Variants in COL22A1 observed in about 807,000 individuals in gnomAD.
The protein encoded by COL22A1 is collagen alpha-1(XXII) chain.
A neutral mutation model predicts 248.9 loss-of-function variants in COL22A1; 221 were observed. The observed-to-expected ratio is 0.89, with a 90% CI of 0.80 to 0.99. COL22A1 has a LOEUF of 0.99. COL22A1 is among the 50% of genes least tolerant of loss of function. The probability of loss-of-function intolerance (pLI) is 0.00; values close to 1 mark genes in which losing one functional copy is unlikely to be tolerated. For missense variants in COL22A1, 2,240 were observed against 2,179.0 expected (o/e 1.03, Z -0.56); for synonymous variants, 891 against 793.4 (o/e 1.12, Z -2.07).
intron 3 of COL22A1, among the ~76,000 whole-genome samples, chr8:138,858,743 C>A (rs139935731): frequency 0.01 from 1,533 of 152,212 alleles, 29 homozygotes; most frequent in African/African-American, 0.035. Context: ...GCAGGAAAAA[C>A]CAAACAAAAA....
chr8:138,599,082 T>G (rs1817781170), intron 60 of COL22A1, among the ~76,000 whole-genome samples, 184 bp from the exon 61 acceptor site: 1 of 152,194 alleles, frequency 6.6e-6, no homozygotes, highest in South Asian at 2.1e-4. Context: ...CTGTCCTGAT[T>G]GTACAAATGA....
At chr8:138,757,853 T>A (rs1185526740) in intron 18 of COL22A1, among the ~76,000 whole-genome samples, 1 of 152,212 alleles carries the variant, frequency 6.6e-6, no homozygotes, top group Non-Finnish European at 1.5e-5. Context: ...TTTGTAAAGA[T>A]CAGTTGTGGC....
At chr8:138,656,363 C>T (rs1823265053) in intron 44 of COL22A1, among the ~76,000 whole-genome samples, 1 of 152,216 alleles carries the variant, frequency 6.6e-6, no homozygotes. Flanking sequence ...CAGTCATCCA[C>T]AACCTAGTAT....
chr8:138,857,514 C>T (rs1485573818), intron 3 of COL22A1, among the ~76,000 whole-genome samples: 12 of 152,166 alleles, frequency 7.9e-5, no homozygotes, highest in African/African-American at 2.4e-4. Flanking sequence ...CGGAGGGAAT[C>T]GGCTGACCCT....
At chr8:138,776,459 G>A (rs138410827) in intron 15 of COL22A1, among the ~76,000 whole-genome samples, 5 of 152,208 alleles carry the variant, frequency 3.3e-5, no homozygotes, top group South Asian at 4.2e-4. Context: ...CTCCTCCCTC[G>A]GGGATAGGGT....
chr8:138,814,253 G>A (rs9324497), intron 7 of COL22A1, among the ~76,000 whole-genome samples: 73,159 of 152,168 alleles, frequency 0.48, 17,973 homozygotes, highest in Middle Eastern at 0.61. Flanking sequence ...CTTGAGCAAC[G>A]AGCAATCTCC....
chr8:138,836,161 C>G (rs1563826959), intron 4 of COL22A1, among the ~76,000 whole-genome samples: 1 of 152,138 alleles, frequency 6.6e-6, no homozygotes, highest in Non-Finnish European at 1.5e-5. Flanking sequence ...ATCTCAGCTA[C>G]TTGGGAGGCT....
intron 58 of COL22A1, among the ~76,000 whole-genome samples, chr8:138,605,724 C>A (rs1010598977): frequency 6.6e-6 from 1 of 152,126 alleles, no homozygotes. Context: ...CAGATGACAC[C>A]AGAGGGCTCC....
intron 18 of COL22A1, 113 bp from the exon 19 acceptor site, chr8:138,755,942 C>T: frequency 2.4e-6 from 2 of 820,150 alleles, no homozygotes; most frequent in Non-Finnish European, 4.1e-6. Context: ...CCTCCCTGTG[C>T]ACCACCACAC....
chr8:138,603,064 T>G (rs1009915217), intron 59 of COL22A1, among the ~76,000 whole-genome samples: 1 of 152,200 alleles, frequency 6.6e-6, no homozygotes, highest in African/African-American at 2.4e-5. Flanking sequence ...CTACATTGAT[T>G]AAAGAGAAGA....
At chr8:138,641,132 G>A (rs536927621) in intron 47 of COL22A1, among the ~76,000 whole-genome samples, 8 of 152,344 alleles carry the variant, frequency 5.3e-5, no homozygotes, top group Non-Finnish European at 1.2e-4. Flanking sequence ...TTTCAGAACC[G>A]TGGCAGTTAC....
chr8:138,620,401 T>C (rs1240673055), intron 52 of COL22A1: 1 of 148,864 alleles, frequency 6.7e-6, no homozygotes, highest in African/African-American at 2.5e-5. Flanking sequence ...GGAACATCCT[T>C]GGATTTAGAA....
intron 3 of COL22A1, among the ~76,000 whole-genome samples, chr8:138,860,011 T>C (rs543465884): frequency 6.6e-6 from 1 of 152,332 alleles, no homozygotes; most frequent in Non-Finnish European, 1.5e-5. Context: ...CATTACTATG[T>C]GCTGGGCTGT....
chr8:138,802,818 T>TC, intron 11 of COL22A1, 54 bp downstream of exon 11: 1 of 1,406,628 alleles, frequency 7.1e-7, no homozygotes, highest in Non-Finnish European at 1.0e-6. Context: ...GGGCCCTGGG[T>TC]CCCCCACGCC....
chr8:138,868,348 T>A (rs1823058801), intron 3 of COL22A1, among the ~76,000 whole-genome samples: 1 of 152,074 alleles, frequency 6.6e-6, no homozygotes, highest in South Asian at 2.1e-4. Context: ...GGAGAGAATC[T>A]TAGATACTAT....
chr8:138,660,172 T>C (rs1823686976), intron 44 of COL22A1, among the ~76,000 whole-genome samples: 1 of 152,228 alleles, frequency 6.6e-6, no homozygotes, highest in African/African-American at 2.4e-5. Flanking sequence ...GACAGCGGTG[T>C]TGACCCATGA....
chr8:138,834,144 G>C (rs928361670), intron 4 of COL22A1, among the ~76,000 whole-genome samples: 1 of 152,078 alleles, frequency 6.6e-6, no homozygotes, highest in Non-Finnish European at 1.5e-5. Context: ...CTCAACACCC[G>C]CCTGAAACTG....
chr8:138,798,431 ATTT>A (rs1393472222), intron 11 of COL22A1, among the ~76,000 whole-genome samples: 1 of 151,788 alleles, frequency 6.6e-6, no homozygotes, highest in East Asian at 1.9e-4. Context: ...TTAACTGTAT[ATTT>A]TGGAGTTATT....
intron 16 of COL22A1, among the ~76,000 whole-genome samples, chr8:138,772,321 C>G (rs1255273161): frequency 6.6e-6 from 1 of 152,146 alleles, no homozygotes; most frequent in East Asian, 1.9e-4. Context: ...ATCCAAGAGT[C>G]TACATATGTG....
Sources: allele counts gnomAD v4.1 joint callset (sites outside exome capture counted in the v4.1 genomes callset), GRCh38; gene constraint gnomAD v4.1.1; transcripts MANE v1.5; gene names NCBI Gene and HGNC (gene_info 2026-07-23, HGNC 2026-07-21).